The following SERGEF variants were observed in gnomAD, a reference collection of about 807,000 sequenced individuals.
SERGEF encodes the protein secretion regulating guanine nucleotide exchange factor.
A neutral mutation model predicts 50.0 loss-of-function variants in SERGEF; 51 were observed. The observed-to-expected ratio is 1.02, with a 90% CI of 0.81 to 1.29. SERGEF has a LOEUF of 1.29. SERGEF is among the 50% of genes most tolerant of loss of function. SERGEF has a pLI of 0.00. For synonymous variants in SERGEF, 205 were observed against 212.4 expected, an observed-to-expected ratio of 0.97 and a Z score of 0.30; for missense variants, 521 against 557.0, an observed-to-expected ratio of 0.94 and a Z score of 0.65.
chr11:17,889,184 G>C (rs1851487611), intron 9 of SERGEF, among the ~76,000 whole-genome samples: 1 of 152,102 alleles, frequency 6.6e-6, no homozygotes, highest in African/African-American at 2.4e-5. Context: ...AAAACTACTG[G>C]GCAAAAGTCT....
chr11:17,913,428 G>C lies in SERGEF; in HGVS notation c.1012-35184C>G, dbSNP rs1016369916. 2.0e-5 allele frequency among the ~76,000 whole-genome samples: 3 copies of C among 152,218 alleles called. 1 individual carries two copies. Among genetic ancestry groups the C allele is most frequent in the African/African-American group, 7.2e-5 (3 of 41,466 alleles). ...TCTTTTTGGAGGCAGGATGTTGTTA[G>C]TACACCCAGAGCTTAAGAAATTAAC... On this transcript the variant is annotated intron_variant, in intron 9 of 10. Coordinates refer to ENST00000265965, the MANE Select transcript of SERGEF (RefSeq NM_012139.4).
chr11:17,910,639 C>T (rs1407809416), intron 9 of SERGEF, among the ~76,000 whole-genome samples: 1 of 152,138 alleles, frequency 6.6e-6, no homozygotes, highest in Non-Finnish European at 1.5e-5. Context: ...ACACCATTCA[C>T]TCATTCATTC....
At chr11:17,897,996 C>T (rs1263312115) in intron 9 of SERGEF, among the ~76,000 whole-genome samples, 1 of 152,170 alleles carries the variant, frequency 6.6e-6, no homozygotes, top group African/African-American at 2.4e-5. Context: ...ACCAAGTTTT[C>T]AAAAAGCTAT....
intron 10 of SERGEF, among the ~76,000 whole-genome samples, chr11:17,802,188 A>G (rs941797603): frequency 2.6e-5 from 4 of 152,218 alleles, no homozygotes; most frequent in Non-Finnish European, 4.4e-5. Context: ...CAGTGTTTGC[A>G]TGAGACCCTG....
chr11:17,936,685 G>A (rs541750319), intron 9 of SERGEF, among the ~76,000 whole-genome samples: 16 of 152,164 alleles, frequency 1.1e-4, no homozygotes, highest in Admixed American at 6.5e-5. Flanking sequence ...ATTTCACAGA[G>A]AGACTCACAG....
intron 10 of SERGEF, among the ~76,000 whole-genome samples, chr11:17,802,038 T>C (rs1170505865): frequency 2.0e-5 from 3 of 152,200 alleles, no homozygotes; most frequent in Admixed American, 2.0e-4. Flanking sequence ...CCGACCCAAG[T>C]TCTCCTACTG....
At chr11:17,916,824 TTTTTC>T (rs1852057156) in intron 9 of SERGEF, among the ~76,000 whole-genome samples, 1 of 152,194 alleles carries the variant, frequency 6.6e-6, no homozygotes, top group South Asian at 2.1e-4. Context: ...ATTTATCTGT[TTTTTC>T]TTATTAACTT....
intron 10 of SERGEF, among the ~76,000 whole-genome samples, chr11:17,850,710 G>GGA (rs1850695345): frequency 1.3e-5 from 2 of 152,152 alleles, no homozygotes; most frequent in Admixed American, 6.5e-5. Flanking sequence ...GAGTACTCTG[G>GGA]TAATCATGGC....
At chr11:17,789,375 G>A (rs116490104) in intron 10 of SERGEF, among the ~76,000 whole-genome samples, 3 of 152,280 alleles carry the variant, frequency 2.0e-5, no homozygotes, top group African/African-American at 7.2e-5. Context: ...GTATCTCTAG[G>A]ACAGTGCCTG....
At position 18,008,033 on chromosome 11, in the gene SERGEF, T is replaced by C. The variant is rs765037045; in HGVS notation, c.104A>G (p.Asp35Gly). 9.9e-6 allele frequency: 16 copies of C among 1,614,152 alleles called. No individual in the cohort carries two copies. The highest frequency in any genetic ancestry group is 1.3e-5 in the Non-Finnish European group (15 of 1,180,002). Residue 35 changes from aspartate to glycine, a missense_variant, in exon 2 of 11, where the codon GAT becomes GGT. Asp to Gly is a moderately conservative substitution (Grantham distance 94). Coordinates refer to ENST00000265965, the MANE Select transcript of SERGEF (RefSeq NM_012139.4). ...YGQLGLGHKEDVLLPQQLNDF... is the reference protein window; with the variant it reads ...YGQLGLGHKEGVLLPQQLNDF... The stretch of plus-strand genomic sequence containing the variant: ...ATTCAGTTGCTGGGGCAACAGCACA[T>C]CTTCCTTATGGCCGAGGCCAAGTTG...
chr11:17,832,568 G>A (rs1047129696), intron 10 of SERGEF, among the ~76,000 whole-genome samples: 7 of 152,206 alleles, frequency 4.6e-5, no homozygotes, highest in African/African-American at 1.7e-4. Flanking sequence ...TGGGTATCAG[G>A]CAGAGGTTGG....
chr11:17,910,586 G>A (rs1851933667), intron 9 of SERGEF, among the ~76,000 whole-genome samples: 1 of 152,070 alleles, frequency 6.6e-6, no homozygotes, highest in African/African-American at 2.4e-5. Flanking sequence ...GCTAAATCAT[G>A]GGAATTTGTC....
intron 1 of SERGEF, 107 bp downstream of exon 1, chr11:18,012,844 C>T (rs764180259): frequency 9.2e-6 from 14 of 1,517,708 alleles, no homozygotes; most frequent in South Asian, 3.6e-5. Flanking sequence ...CAGAGCCCGG[C>T]TCGGACCTCA....
chr11:17,929,420 G>A (rs566457832), intron 9 of SERGEF, among the ~76,000 whole-genome samples: 27 of 152,284 alleles, frequency 1.8e-4, no homozygotes, highest in Admixed American at 1.3e-3. Flanking sequence ...GGCAGGACAC[G>A]TGTGTGGACA....
chr11:17,846,492 T>A, intron 10 of SERGEF: 1 of 355,618 alleles, frequency 2.8e-6, no homozygotes, highest in Non-Finnish European at 5.6e-6. Context: ...CTGATTCAGA[T>A]AAGTTCAGAT....
intron 10 of SERGEF, among the ~76,000 whole-genome samples, chr11:17,860,873 G>C (rs531371079): frequency 1.3e-5 from 2 of 152,334 alleles, no homozygotes; most frequent in Non-Finnish European, 2.9e-5. Context: ...GACAGTGTAA[G>C]AGTTGAGTCC....
At chr11:17,844,581 A>T (rs1486010309) in intron 10 of SERGEF, among the ~76,000 whole-genome samples, 1 of 152,224 alleles carries the variant, frequency 6.6e-6, no homozygotes, top group Non-Finnish European at 1.5e-5. Flanking sequence ...TAGACAAACA[A>T]GCATTTTAGT....
intron 9 of SERGEF, among the ~76,000 whole-genome samples, chr11:17,887,577 C>A (rs139303180): frequency 6.6e-6 from 1 of 152,126 alleles, no homozygotes; most frequent in Non-Finnish European, 1.5e-5. Context: ...CAAGTACTAA[C>A]GAGGATGTGA....
intron 9 of SERGEF, among the ~76,000 whole-genome samples, chr11:17,956,963 G>A (rs1039536419): frequency 1.2e-4 from 18 of 152,124 alleles, no homozygotes; most frequent in African/African-American, 3.9e-4. Flanking sequence ...TCTTGGCCTC[G>A]AGCAAATACA....
Sources: gnomAD v4.1 joint callset for allele counts (sites outside exome capture counted in the v4.1 genomes callset) on GRCh38, gnomAD v4.1.1 for gene constraint, MANE v1.5 for transcripts, NCBI Gene and HGNC (gene_info 2026-07-23, HGNC 2026-07-21) for gene names.